PPP2R2B: variants seen among roughly 807,000 people sequenced by gnomAD.
The protein encoded by PPP2R2B is protein phosphatase 2 regulatory subunit Bbeta.
Under a neutral mutation model 46.0 loss-of-function variants are expected in PPP2R2B, and 5 were observed. That is an observed-to-expected ratio of 0.11 (90% CI 0.06 to 0.23). The LOEUF is 0.23. PPP2R2B is among the 10% of genes least tolerant of loss of function. The probability of loss-of-function intolerance (pLI) is 1.00; values close to 1 mark genes in which losing one functional copy is unlikely to be tolerated. For missense variants in PPP2R2B, 367 were observed against 575.0 expected, an observed-to-expected ratio of 0.64 and a Z score of 3.70; for synonymous variants, 215 against 206.7, an observed-to-expected ratio of 1.04 and a Z score of -0.34.
chr5:146,868,902 T>G (rs1298078671), intron 2 of PPP2R2B, among the ~76,000 whole-genome samples: 2 of 152,250 alleles, frequency 1.3e-5, no homozygotes, highest in African/African-American at 4.8e-5. Context: ...CTCACTGTTG[T>G]GTAACTATGG....
intron 5 of PPP2R2B, among the ~76,000 whole-genome samples, chr5:146,669,824 G>T (rs1306400364): frequency 1.3e-5 from 2 of 152,154 alleles, no homozygotes; most frequent in African/African-American, 2.4e-5. Context: ...AGCAGAACTA[G>T]GATTCAAATA....
intron 1 of PPP2R2B, among the ~76,000 whole-genome samples, chr5:146,999,212 A>G (rs1367838899): frequency 6.6e-6 from 1 of 152,152 alleles, no homozygotes; most frequent in Non-Finnish European, 1.5e-5. Flanking sequence ...GGCTCCTGCC[A>G]TCACAAATTC....
At chr5:146,619,247 CT>C (rs2151051851) in intron 7 of PPP2R2B, among the ~76,000 whole-genome samples, 1 of 151,150 alleles carries the variant, frequency 6.6e-6, no homozygotes, top group East Asian at 2.0e-4. Context: ...CAGTTTCCAC[CT>C]GAGGTCAGCA....
chr5:146,930,744 C>T (rs1271128304), intron 1 of PPP2R2B, among the ~76,000 whole-genome samples: 5 of 152,142 alleles, frequency 3.3e-5, no homozygotes, highest in Non-Finnish European at 7.3e-5. Context: ...TCTCTTGAAC[C>T]CTGATGCTCT....
chr5:146,793,654 C>A (rs1352646272), intron 2 of PPP2R2B, among the ~76,000 whole-genome samples: 3 of 152,132 alleles, frequency 2.0e-5, no homozygotes, highest in Non-Finnish European at 4.4e-5. Context: ...GGACTGAAAC[C>A]CAGGCAGTCT....
intron 2 of PPP2R2B, among the ~76,000 whole-genome samples, chr5:146,756,522 TCTGCAGGAAGACAGGAAAGTTAAAA>T (rs1447227712): frequency 3.3e-5 from 5 of 152,368 alleles, no homozygotes; most frequent in Admixed American, 2.0e-4. Context: ...GTGAATCTTT[TCTGCAGGAAGACAGGAAAGTTAAAA>T]GGTAGCCTCT....
At chr5:146,757,471 G>C (rs1242120223) in intron 2 of PPP2R2B, among the ~76,000 whole-genome samples, 1 of 152,124 alleles carries the variant, frequency 6.6e-6, no homozygotes, top group Admixed American at 6.5e-5. Context: ...AACTACAACT[G>C]CTTTGGAGTT....
At chr5:147,025,371 G>T (rs761793879) in intron 1 of PPP2R2B, among the ~76,000 whole-genome samples, 1 of 151,626 alleles carries the variant, frequency 6.6e-6, no homozygotes, top group South Asian at 2.1e-4. Flanking sequence ...ATGTAAACTC[G>T]CTCAAAAAAT....
At chr5:146,993,585 G>A (rs1753797589) in intron 1 of PPP2R2B, among the ~76,000 whole-genome samples, 1 of 152,108 alleles carries the variant, frequency 6.6e-6, no homozygotes. Flanking sequence ...ATAAGCTTCA[G>A]GATACCAGTT....
chr5:147,073,803 C>T (rs974961653), intron 2 of PPP2R2B, among the ~76,000 whole-genome samples: 21 of 152,116 alleles, frequency 1.4e-4, no homozygotes, highest in Admixed American at 7.2e-4. Flanking sequence ...TTTGGGAGGC[C>T]GAGGCAGGCA....
At chr5:147,047,436 T>A (rs575847959) in intron 1 of PPP2R2B, among the ~76,000 whole-genome samples, 22 of 152,210 alleles carry the variant, frequency 1.4e-4, no homozygotes, top group Admixed American at 9.2e-4. Flanking sequence ...TTGTCAATTT[T>A]AAAAAAATTT....
intron 1 of PPP2R2B, among the ~76,000 whole-genome samples, chr5:147,043,943 A>C (rs1462071308): frequency 2.0e-5 from 3 of 151,868 alleles, no homozygotes; most frequent in Non-Finnish European, 4.4e-5. Context: ...CTTGCTAACT[A>C]TGTGACTTTG....
rs762003745 is a variant in PPP2R2B at position 146,584,641 on chromosome 5, C to T, written c.*5306G>A. On this transcript the variant is annotated 3_prime_UTR_variant, in exon 10 of 10. Transcript: ENST00000394411. ...TTAACAATGATTTAAAACAGTGCCT[C>T]TCCCAATGCCTGTCATTGCAATAAC... The T allele has an allele frequency of 4.6e-5, 7 of 152,210 alleles. No individual in the cohort carries two copies. Among genetic ancestry groups the T allele is most frequent in the Non-Finnish European group, 1.0e-4 (7 of 68,038 alleles). The allele number at this position is 152,210 out of a possible 1,614,324, so 9.4% of individuals were successfully genotyped here.
At chr5:146,591,206 G>A (rs1317439162) in intron 9 of PPP2R2B, among the ~76,000 whole-genome samples, 3 of 152,196 alleles carry the variant, frequency 2.0e-5, no homozygotes, top group Admixed American at 2.0e-4. Context: ...AGATGGGAGA[G>A]CAGGAACTCT....
chr5:147,068,057 A>T (rs1158143900), intron 2 of PPP2R2B, among the ~76,000 whole-genome samples: 1 of 152,186 alleles, frequency 6.6e-6, no homozygotes, highest in Non-Finnish European at 1.5e-5. Context: ...AAGCTCATTT[A>T]GAGAGAGTTT....
At chr5:146,849,169 T>C (rs1450156604) in intron 2 of PPP2R2B, among the ~76,000 whole-genome samples, 2 of 152,208 alleles carry the variant, frequency 1.3e-5, no homozygotes. Context: ...GTTTTAGAAA[T>C]CAAGATCTGG....
chr5:146,812,135 C>T (rs1369276445), intron 2 of PPP2R2B, among the ~76,000 whole-genome samples: 2 of 151,956 alleles, frequency 1.3e-5, no homozygotes, highest in Non-Finnish European at 2.9e-5. Flanking sequence ...TGGAAGTTTC[C>T]ATTACCTCTC....
chr5:146,749,114 T>A (rs956951925), intron 2 of PPP2R2B, among the ~76,000 whole-genome samples: 1 of 152,262 alleles, frequency 6.6e-6, no homozygotes, highest in Non-Finnish European at 1.5e-5. Flanking sequence ...GTGATAGATA[T>A]GTATCTCATT....
In PPP2R2B at chr5:147,000,428, G is replaced by C. The variant is rs142613006; in HGVS notation, c.79+55237C>G. On this transcript the variant is annotated intron_variant, in intron 1 of 8. Coordinates refer to the PPP2R2B transcript ENST00000336640. ...GCCAAGCTCCCTTGTTCCTGCTCCT[G>C]TAAATGTGTTCTGCCATTTACAAGC... 7.6e-4 allele frequency among the ~76,000 whole-genome samples: 116 copies of C among 152,264 alleles called. 1 individual carries two copies. Among genetic ancestry groups the C allele is most frequent in the African/African-American group, 2.4e-3 (101 of 41,578 alleles).
Sources: gnomAD v4.1 joint callset for allele counts (sites outside exome capture counted in the v4.1 genomes callset) on GRCh38, gnomAD v4.1.1 for gene constraint, MANE v1.5 for transcripts, NCBI Gene and HGNC (gene_info 2026-07-23, HGNC 2026-07-21) for gene names.